NFAM1: variants seen among roughly 807,000 people sequenced by gnomAD.
The protein encoded by NFAM1 is NFAT activation molecule 1.
NFAM1 carries 17 observed loss-of-function variants against 29.0 expected under a neutral mutation model. The observed-to-expected ratio is 0.59, with a 90% CI of 0.40 to 0.88. The LOEUF (loss-of-function observed/expected upper bound fraction) is 0.88. NFAM1 is among the 40% of genes least tolerant of loss of function. The pLI is 0.00. For missense variants in NFAM1, 324 were observed against 344.6 expected, an observed-to-expected ratio of 0.94 and a Z score of 0.47; for synonymous variants, 175 against 147.2, an observed-to-expected ratio of 1.19 and a Z score of -1.36.
chr22:42,433,689 C>T (rs1488158131), upstream of NFAM1, among the ~76,000 whole-genome samples: 2 of 152,114 alleles, frequency 1.3e-5, no homozygotes, highest in African/African-American at 4.8e-5. Context: ...GGCCGCCCAC[C>T]AGGGGAGGAA....
chr22:42,434,560 G>A (rs1356247790), upstream of NFAM1, among the ~76,000 whole-genome samples: 1 of 152,212 alleles, frequency 6.6e-6, no homozygotes, highest in Non-Finnish European at 1.5e-5. Flanking sequence ...TGGCTGCGCT[G>A]TCGGGGCCTC....
intron 5 of NFAM1, 72 bp downstream of exon 5, chr22:42,386,917 C>A (rs1281269560): frequency 4.9e-6 from 4 of 816,762 alleles, no homozygotes; most frequent in Non-Finnish European, 7.7e-6. Flanking sequence ...CCCATTTGCC[C>A]CCCCACTTCA....
intron 1 of NFAM1, among the ~76,000 whole-genome samples, chr22:42,417,934 C>T (rs939828589): frequency 6.6e-6 from 1 of 152,192 alleles, no homozygotes; most frequent in African/African-American, 2.4e-5. Context: ...CCTCCCCACC[C>T]CCACAGAACT....
At chr22:42,404,318 C>T (rs965649813) in intron 3 of NFAM1, among the ~76,000 whole-genome samples, 5 of 152,028 alleles carry the variant, frequency 3.3e-5, no homozygotes, top group African/African-American at 1.2e-4. Flanking sequence ...TTGGTAGTTT[C>T]CAGCTTCAAT....
chr22:42,437,127 T>TTTTTTA, upstream of NFAM1: 15 of 298,690 alleles, frequency 5.0e-5, no homozygotes, highest in Non-Finnish European at 6.8e-5. Flanking sequence ...GGTGGCATGA[T>TTTTTTA]TTTTTCTTTT....
chr22:42,420,123 G>A (rs1414232527), intron 1 of NFAM1, among the ~76,000 whole-genome samples: 1 of 146,736 alleles, frequency 6.8e-6, no homozygotes, highest in Non-Finnish European at 1.5e-5. Context: ...CAATTCTCCT[G>A]CCTCAGCTTC....
Position 42,388,613 on chromosome 22 carries a change from G to A in NFAM1, c.664-1535C>T, listed in dbSNP as rs952373840. Reference sequence around the variant, plus strand: ...GTTGCTGAGGCAGGCTGGAGAGACAGGTGGTGCTCAGAGGCAGGAGGAGGG... The same window carrying A: ...GTTGCTGAGGCAGGCTGGAGAGACAAGTGGTGCTCAGAGGCAGGAGGAGGG... On this transcript the variant is annotated intron_variant, in intron 4 of 5. Transcript: ENST00000329021. The surrounding 1 kb of genome is among the most constrained non-coding windows in gnomAD (Gnocchi z 4.1). Among the ~76,000 whole-genome samples the A allele has an allele frequency of 1.3e-5, 2 of 152,184 alleles. No homozygotes were observed. Among genetic ancestry groups the A allele is most frequent in the African/African-American group, 4.8e-5 (2 of 41,442 alleles).
chr22:42,418,728 C>A (rs1469624705), intron 1 of NFAM1, among the ~76,000 whole-genome samples: 1 of 151,984 alleles, frequency 6.6e-6, no homozygotes, highest in Non-Finnish European at 1.5e-5. Context: ...GCCCTATACC[C>A]TTCTGCCGGG....
rs367954319 is a variant in NFAM1, at chr22:42,409,406, C to T, written c.564+29G>A. 7.3e-6 allele frequency: 9 copies of T among 1,236,410 alleles called. No homozygotes were observed. Among genetic ancestry groups the T allele is most frequent in the African/African-American group, 3.1e-5 (2 of 64,206 alleles). 76.6% of individuals were successfully genotyped at this position (1,236,410 alleles called of 1,614,324 possible). Reference sequence around the variant, plus strand: ...GCCGGTGGCGTGTCGGGTGGAGGGGCTGCATGGCTGTGAGCACTGATCCCG... The same window carrying T: ...GCCGGTGGCGTGTCGGGTGGAGGGGTTGCATGGCTGTGAGCACTGATCCCG... On this transcript the variant is annotated intron_variant, in intron 3 of 5. Transcript: ENST00000329021. This position sits in a 1 kb window ranked among gnomAD's most constrained non-coding sequence, Gnocchi z 4.9.
intron 3 of NFAM1, among the ~76,000 whole-genome samples, chr22:42,405,406 G>A (rs1318934439): frequency 6.6e-5 from 10 of 152,260 alleles, no homozygotes; most frequent in Non-Finnish European, 1.3e-4. Context: ...CTGTGTCCAC[G>A]CCCCAGCTCC....
chr22:42,385,069 G>T lies in NFAM1; in HGVS notation c.*92C>A. 2.2e-6 allele frequency: 2 copies of T among 912,132 alleles called. No individual in the cohort carries two copies. Among genetic ancestry groups the T allele is most frequent in the East Asian group, 2.4e-5 (1 of 41,718 alleles). The allele number at this position is 912,132 out of a possible 1,614,324, so 56.5% of individuals were successfully genotyped here. ...GTGAAATGATGGGGTGTCCCTGGGG[G>T]CCTTACTCCCAACTCAGATCAAGTC... On this transcript the variant is annotated 3_prime_UTR_variant, in exon 6 of 6. Coordinates refer to ENST00000329021, the MANE Select transcript of NFAM1 (RefSeq NM_145912.8).
rs2147084074 is a variant in NFAM1, at chr22:42,382,880, C to G, written c.*2281G>C. 6.5e-6 allele frequency: 1 copy of G among 153,344 alleles called. No homozygotes were observed. The allele number at this position is 153,344 out of a possible 1,614,324, so 9.5% of individuals were successfully genotyped here. On this transcript the variant is annotated 3_prime_UTR_variant, in exon 6 of 6. Coordinates refer to ENST00000329021, the MANE Select transcript of NFAM1 (RefSeq NM_145912.8). Reference sequence around the variant, plus strand: ...CACTGCCTCCCAGCCTTGCCCTGAACCAAGCACAGACGACCACCACGCTGG... The same window carrying G: ...CACTGCCTCCCAGCCTTGCCCTGAAGCAAGCACAGACGACCACCACGCTGG...
chr22:42,402,284 C>T (rs569210598), intron 3 of NFAM1, among the ~76,000 whole-genome samples: 9 of 152,278 alleles, frequency 5.9e-5, no homozygotes, highest in African/African-American at 1.9e-4. Context: ...TGTGCTGGGA[C>T]GCAGAGGACT....
Position 42,411,586 on chromosome 22 carries a change from C to T in NFAM1, c.272G>A (p.Arg91Lys). 1.9e-6 allele frequency: 3 copies of T among 1,614,228 alleles called. No homozygotes were observed. Among genetic ancestry groups the T allele is most frequent in the Non-Finnish European group, 2.5e-6 (3 of 1,180,040 alleles). The change falls in exon 2 of 6, where the codon AGG (arginine) becomes AAG (lysine). Residue 91 changes from arginine (R) to lysine (K), a missense_variant. Physicochemically the swap from Arg to Lys is conservative, Grantham distance 26 (BLOSUM62 2). Coordinates refer to ENST00000329021, the MANE Select transcript of NFAM1 (RefSeq NM_145912.8). Reference protein sequence around the residue: ...SYFHEDLQGQRSPKKPTNCHP... With the variant: ...SYFHEDLQGQKSPKKPTNCHP... ...GCAGTTTGTTGGCTTCTTAGGGCTC[C>T]TCTGTCCCTGGAGATCTTCATGAAA...
At chr22:42,422,974 G>A (rs966504342) in intron 1 of NFAM1, among the ~76,000 whole-genome samples, 6 of 152,154 alleles carry the variant, frequency 3.9e-5, no homozygotes, top group African/African-American at 9.6e-5. Context: ...TTAGCTGTGC[G>A]TGGTGGCGGG....
intron 1 of NFAM1, among the ~76,000 whole-genome samples, chr22:42,425,757 A>G (rs1488109542): frequency 6.6e-6 from 1 of 152,022 alleles, no homozygotes; most frequent in Non-Finnish European, 1.5e-5. Context: ...CTCTCTCTGC[A>G]CTGTCCCTGG....
upstream of NFAM1, among the ~76,000 whole-genome samples, chr22:42,436,326 C>T (rs936620688): frequency 7.9e-5 from 12 of 152,304 alleles, no homozygotes; most frequent in East Asian, 2.1e-3. Flanking sequence ...GGAGCTGAGC[C>T]GACCAGCAGG....
At chr22:42,389,063 C>A (rs56103903) in intron 4 of NFAM1, among the ~76,000 whole-genome samples, 1 of 152,190 alleles carries the variant, frequency 6.6e-6, no homozygotes, top group Non-Finnish European at 1.5e-5. Flanking sequence ...TCTCACAGAT[C>A]TGACAGTCTC....
At chr22:42,402,163 A>T (rs1369938417) in intron 3 of NFAM1, among the ~76,000 whole-genome samples, 2 of 152,114 alleles carry the variant, frequency 1.3e-5, no homozygotes, top group African/African-American at 4.8e-5. Flanking sequence ...AGCCCCGGGG[A>T]AGGGGCTGGA....
Sources: gnomAD v4.1 joint callset for allele counts (sites outside exome capture counted in the v4.1 genomes callset) on GRCh38, gnomAD v4.1.1 for gene constraint, Gnocchi (gnomAD v3.1) non-coding constraint, MANE v1.5 for transcripts, NCBI Gene and HGNC (gene_info 2026-07-23, HGNC 2026-07-21) for gene names.